Variants in CFAP61 observed in about 807,000 individuals in gnomAD.
The protein encoded by CFAP61 is cilia- and flagella-associated protein 61.
CFAP61 carries 107 observed loss-of-function variants against 135.6 expected under a neutral mutation model. The observed-to-expected ratio is 0.79, with a 90% CI of 0.67 to 0.93. The LOEUF (loss-of-function observed/expected upper bound fraction) is 0.93, where lower values mean the gene tolerates loss of function less well. CFAP61 is among the 40% of genes least tolerant of loss of function. The pLI, the probability that CFAP61 is intolerant of heterozygous loss-of-function variation, is 0.00. For synonymous variants in CFAP61, 575 were observed against 578.5 expected, an observed-to-expected ratio of 0.99 and a Z score of 0.09; for missense variants, 1,507 against 1,556.2, an observed-to-expected ratio of 0.97 and a Z score of 0.53.
chr20:20,234,453 G>T (rs1181233610), intron 18 of CFAP61, among the ~76,000 whole-genome samples: 1 of 152,210 alleles, frequency 6.6e-6, no homozygotes, highest in Non-Finnish European at 1.5e-5. Flanking sequence ...GAAGAAGCAA[G>T]GGTTAGGTAA....
chr20:20,121,967 G>C (rs149385597), intron 8 of CFAP61, among the ~76,000 whole-genome samples: 20 of 148,424 alleles, frequency 1.3e-4, no homozygotes, highest in African/African-American at 4.0e-4. Context: ...AAATTTTTCC[G>C]TAAGTTATTC....
chr20:20,210,144 C>T (rs764445537), intron 17 of CFAP61, among the ~76,000 whole-genome samples: 23 of 152,328 alleles, frequency 1.5e-4, no homozygotes, highest in Non-Finnish European at 2.9e-4. Flanking sequence ...GACAAGGTGG[C>T]AGTAGAGTCT....
At chr20:20,337,887 C>T (rs1395711414) in intron 25 of CFAP61, among the ~76,000 whole-genome samples, 2 of 152,092 alleles carry the variant, frequency 1.3e-5, no homozygotes, top group Non-Finnish European at 1.5e-5. Context: ...AAAGCAAGGA[C>T]GAACCACGGA....
In CFAP61 at chr20:20,290,925, T is replaced by G. The variant is rs1185613735; in HGVS notation, c.3216+534T>G. Among the ~76,000 whole-genome samples, 4 of 152,260 alleles carry G rather than the reference T, an allele frequency of 2.6e-5. No homozygotes were observed. The East Asian group carries it at 7.7e-4, about 29-fold the overall frequency. On this transcript the variant is annotated intron_variant, in intron 24 of 26. Transcript: ENST00000245957. ...GCCAGAACTCCCTAGCTAAGCCATT[T>G]TCAGCTTCTGACTCCCAGAGACCGT...
In CFAP61 at chr20:20,251,707, A is replaced by G; in HGVS notation, c.2272A>G (p.Thr758Ala). The change falls in exon 20 of 27, where the codon ACG (threonine) becomes GCG (alanine). Residue 758 changes from threonine (T) to alanine (A), a missense_variant. Coordinates refer to ENST00000245957, the MANE Select transcript of CFAP61 (RefSeq NM_015585.4). The part of the protein sequence containing the change: ...DRAAKHVVLS[T>A]DEIVPYDHLI... ...AGCAGCCAAGCACGTTGTGCTTTCC[A>G]CGGACGAGATCGTGCCCTACGACCA... 1 of 1,614,196 alleles carries G rather than the reference A, an allele frequency of 6.2e-7. No individual in the cohort carries two copies. Among genetic ancestry groups the G allele is most frequent in the Non-Finnish European group, 8.5e-7 (1 of 1,180,048 alleles).
intron 3 of CFAP61, among the ~76,000 whole-genome samples, chr20:20,073,138 A>G (rs572196410): frequency 4.9e-4 from 74 of 152,354 alleles, no homozygotes; most frequent in African/African-American, 1.8e-3. Flanking sequence ...TGGGAGACAA[A>G]TCAAGCAAGT....
chr20:20,217,484 GA>G (rs1404654941), intron 17 of CFAP61, among the ~76,000 whole-genome samples: 1 of 152,184 alleles, frequency 6.6e-6, no homozygotes, highest in African/African-American at 2.4e-5. Flanking sequence ...ATCCAGGAGT[GA>G]AAATGGTGGC....
intron 8 of CFAP61, among the ~76,000 whole-genome samples, chr20:20,124,420 C>G (rs368782264): frequency 6.6e-6 from 1 of 151,766 alleles, no homozygotes; most frequent in South Asian, 2.1e-4. Context: ...TCCTTGTATG[C>G]TGATTTTGCT....
rs1199040363 is a variant in CFAP61, at chr20:20,128,070, G to C, written c.860-14787G>C. Among the ~76,000 whole-genome samples, 3 of 151,686 alleles carry C rather than the reference G, an allele frequency of 2.0e-5. 1 individual carries two copies. The highest frequency in any genetic ancestry group is 7.3e-5 in the African/African-American group (3 of 41,004). On this transcript the variant is annotated intron_variant, in intron 8 of 26. Transcript: ENST00000245957. ...ACCCAGTAGTCTGTTTCCATGTGATGGGCGAGCTAGGCTTGAGAACTTGCC... is the reference window on the plus strand; with the variant it reads ...ACCCAGTAGTCTGTTTCCATGTGATCGGCGAGCTAGGCTTGAGAACTTGCC...
intron 3 of CFAP61, among the ~76,000 whole-genome samples, chr20:20,072,842 A>T (rs918119554): frequency 6.6e-6 from 1 of 152,210 alleles, no homozygotes; most frequent in African/African-American, 2.4e-5. Flanking sequence ...TTTTATAATG[A>T]TTACTTGTTA....
intron 20 of CFAP61, among the ~76,000 whole-genome samples, chr20:20,261,636 ACTT>A (rs2052228725): frequency 6.6e-6 from 1 of 152,098 alleles, no homozygotes. Flanking sequence ...TTGCAATGAC[ACTT>A]CTTTGTCTGA....
chr20:20,274,281 T>G (rs551305022), intron 21 of CFAP61, among the ~76,000 whole-genome samples: 5 of 152,154 alleles, frequency 3.3e-5, no homozygotes, highest in Non-Finnish European at 2.9e-5. Context: ...CTTTACAAAG[T>G]AAATGTGAGC....
intron 24 of CFAP61, among the ~76,000 whole-genome samples, chr20:20,294,957 A>G (rs144429111): frequency 0.1 from 15,013 of 146,580 alleles, 1,085 homozygotes; most frequent in East Asian, 0.29. Context: ...AATAATAATA[A>G]TAATAATAAT....
At chr20:20,164,560 A>C (rs1257106152) in intron 11 of CFAP61, among the ~76,000 whole-genome samples, 3 of 152,186 alleles carry the variant, frequency 2.0e-5, no homozygotes, top group Non-Finnish European at 2.9e-5. Flanking sequence ...GGTTGTCTAG[A>C]GTCTTTGGTT....
At chr20:20,308,132 C>T (rs948232241) in intron 25 of CFAP61, among the ~76,000 whole-genome samples, 3 of 152,132 alleles carry the variant, frequency 2.0e-5, no homozygotes, top group African/African-American at 4.8e-5. Flanking sequence ...TATCAGACAG[C>T]GGAGAATAGA....
chr20:20,248,161 C>T (rs768283904), intron 19 of CFAP61, among the ~76,000 whole-genome samples: 2 of 152,118 alleles, frequency 1.3e-5, no homozygotes, highest in Non-Finnish European at 2.9e-5. Context: ...TCCAGAAATA[C>T]CTGCAAAACT....
intron 19 of CFAP61, among the ~76,000 whole-genome samples, chr20:20,249,216 G>A (rs1370183089): frequency 6.6e-6 from 1 of 152,204 alleles, no homozygotes; most frequent in African/African-American, 2.4e-5. Flanking sequence ...AGAATGGATA[G>A]TAATATCCAG....
intron 18 of CFAP61, among the ~76,000 whole-genome samples, chr20:20,242,613 C>T (rs2050100651): frequency 6.6e-6 from 1 of 152,192 alleles, no homozygotes; most frequent in Non-Finnish European, 1.5e-5. Flanking sequence ...ATTTTCTTAC[C>T]TATGAAATGT....
intron 18 of CFAP61, among the ~76,000 whole-genome samples, chr20:20,239,822 TCCAG>T (rs2049881511): frequency 6.6e-6 from 1 of 152,166 alleles, no homozygotes; most frequent in Non-Finnish European, 1.5e-5. Flanking sequence ...AAAAGAGGTT[TCCAG>T]TAGCTGTGTG....
Sources: allele counts gnomAD v4.1 joint callset (sites outside exome capture counted in the v4.1 genomes callset), GRCh38; gene constraint gnomAD v4.1.1; transcripts MANE v1.5; gene names NCBI Gene and HGNC (gene_info 2026-07-23, HGNC 2026-07-21).